The following ENTPD6 variants were observed in gnomAD, a reference collection of about 807,000 sequenced individuals.
The protein encoded by ENTPD6 is ectonucleoside triphosphate diphosphohydrolase 6.
In ENTPD6, 46 loss-of-function variants were observed where a neutral mutation model predicts 61.5. The ratio of observed to expected loss-of-function variants is 0.75; its 90% CI spans 0.59 to 0.96. The LOEUF is 0.96. Ranked by LOEUF, ENTPD6 falls within the 40% of genes least tolerant of loss-of-function variation. The pLI is 0.00. For synonymous variants in ENTPD6, 252 were observed against 255.5 expected (o/e 0.99, Z 0.13); for missense variants, 612 against 629.0 (o/e 0.97, Z 0.29).
chr20:25,212,373 C>G (rs139865805), intron 4 of ENTPD6, among the ~76,000 whole-genome samples: 1 of 152,170 alleles, frequency 6.6e-6, no homozygotes, highest in Non-Finnish European at 1.5e-5. Context: ...CACCTGAGAT[C>G]GCCCGTGAGG....
intron 1 of ENTPD6, chr20:25,196,297 A>C: frequency 1.1e-6 from 1 of 925,080 alleles, no homozygotes; most frequent in Non-Finnish European, 1.3e-6. Flanking sequence ...TGTAAGGACG[A>C]TTCACCCTGG....
intron 10 of ENTPD6, 73 bp downstream of exon 10, chr20:25,218,687 C>T: frequency 7.0e-7 from 1 of 1,433,888 alleles, no homozygotes; most frequent in African/African-American, 1.4e-5. Flanking sequence ...CGAGGAGCCC[C>T]TCGGGAGGGC....
intron 9 of ENTPD6, among the ~76,000 whole-genome samples, chr20:25,218,312 A>T (rs1204922275): frequency 8.5e-5 from 13 of 152,228 alleles, no homozygotes. Flanking sequence ...GGTCCCACTC[A>T]CCACAGTGTC....
intron 12 of ENTPD6, among the ~76,000 whole-genome samples, chr20:25,223,457 G>T (rs563459313): frequency 2.0e-5 from 3 of 152,342 alleles, no homozygotes; most frequent in African/African-American, 4.8e-5. Context: ...GTCAGGCTGT[G>T]TGGGAACTCT....
At chr20:25,204,991 C>T (rs183290631) in intron 1 of ENTPD6, among the ~76,000 whole-genome samples, 1 of 152,234 alleles carries the variant, frequency 6.6e-6, no homozygotes, top group East Asian at 1.9e-4. Context: ...TTTGAGCTTC[C>T]TCTTTTGCCG....
intron 11 of ENTPD6, 125 bp from the exon 12 acceptor site, chr20:25,222,713 C>T: frequency 7.5e-7 from 1 of 1,341,620 alleles, no homozygotes; most frequent in Non-Finnish European, 1.0e-6. Flanking sequence ...GTCTTACAGG[C>T]TTCTGGACCT....
At chr20:25,213,492 AC>A in intron 5 of ENTPD6, 86 bp downstream of exon 5, 2 of 1,398,360 alleles carry the variant, frequency 1.4e-6, no homozygotes, top group Admixed American at 4.8e-5. Context: ...CCAGTGCCGC[AC>A]CATCAGGCAG....
chr20:25,221,374 AGT>A (rs772599589), intron 11 of ENTPD6, 41 bp downstream of exon 11: 3 of 1,471,900 alleles, frequency 2.0e-6, no homozygotes, highest in Non-Finnish European at 2.9e-6. Context: ...TGCGGGTGAG[AGT>A]GGTGGCCTCC....
intron 12 of ENTPD6, 102 bp downstream of exon 12, chr20:25,223,080 A>C: frequency 7.3e-7 from 1 of 1,373,758 alleles, no homozygotes; most frequent in Non-Finnish European, 9.9e-7. Flanking sequence ...CAGGCAAGCA[A>C]CCCTGTTGTC....
intron 10 of ENTPD6, among the ~76,000 whole-genome samples, chr20:25,218,975 G>A (rs531881037): frequency 9.1e-4 from 139 of 152,364 alleles, no homozygotes; most frequent in African/African-American, 3.1e-3. Context: ...TCTGCCTGCC[G>A]GGTTCCAGCA....
chr20:25,225,890 G>A lies in ENTPD6; in HGVS notation c.*293G>A. 1 of 323,114 alleles carries A rather than the reference G, an allele frequency of 3.1e-6. No homozygotes were observed. The highest frequency in any genetic ancestry group is 5.7e-6 in the Non-Finnish European group (1 of 175,854). The allele number at this position is 323,114 out of a possible 1,614,324, so 20.0% of individuals were successfully genotyped here. On this transcript the variant is annotated 3_prime_UTR_variant, in exon 15 of 15. Coordinates refer to ENST00000376652, the MANE Select transcript of ENTPD6 (RefSeq NM_001247.5). ...AGGCACACACTGAGGGGGCAGTGTG[G>A]CTCCCTGCCTGTCCCATCCCCATGC... is the stretch of plus-strand genomic sequence containing the variant.
chr20:25,226,548 G>A lies in ENTPD6; in HGVS notation c.*951G>A, dbSNP rs916186808. The A allele has an allele frequency of 1.3e-4, 20 of 152,716 alleles. No homozygotes were observed. The highest frequency in any genetic ancestry group is 2.2e-4 in the Non-Finnish European group (15 of 68,216). 9.5% of individuals were successfully genotyped at this position (152,716 alleles called of 1,614,324 possible). ...TCTCGGGCCACCATCCGCCCACCTC[G>A]GGCTGACCCCACCTCCTCCATGGAC... On this transcript the variant is annotated 3_prime_UTR_variant, in exon 15 of 15. Coordinates refer to ENST00000376652, the MANE Select transcript of ENTPD6 (RefSeq NM_001247.5).
At chr20:25,209,072 A>G (rs2091744838) in intron 3 of ENTPD6, among the ~76,000 whole-genome samples, 2 of 146,366 alleles carry the variant, frequency 1.4e-5, no homozygotes, top group African/African-American at 2.6e-5. Context: ...GCCCATCACC[A>G]CACCTGGCTA....
chr20:25,222,828 T>C lies in ENTPD6; in HGVS notation c.1046-10T>C. The stretch of plus-strand genomic sequence containing the variant: ...AGCCCACTGACCGCTAGCCTTGTGC[T>C]TGTCCCCAGCGGCAAGCCTGCACGA... On this transcript the variant is annotated splice_polypyrimidine_tract_variant and intron_variant, in intron 11 of 14. Coordinates refer to ENST00000376652, the MANE Select transcript of ENTPD6 (RefSeq NM_001247.5). The C allele has an allele frequency of 6.2e-7, 1 of 1,613,412 alleles. No individual in the cohort carries two copies. Among genetic ancestry groups the C allele is most frequent in the Non-Finnish European group, 8.5e-7 (1 of 1,179,874 alleles).
intron 13 of ENTPD6, chr20:25,224,457 C>A: frequency 4.2e-6 from 1 of 236,714 alleles, no homozygotes; most frequent in Non-Finnish European, 8.2e-6. Flanking sequence ...CCTTAAGAAG[C>A]CAAGGCCCTA....
chr20:25,201,250 G>A (rs1363172144), intron 1 of ENTPD6, among the ~76,000 whole-genome samples: 2 of 152,248 alleles, frequency 1.3e-5, no homozygotes, highest in East Asian at 1.9e-4. Context: ...TGCATGCAGG[G>A]CGCTCCGTTA....
At chr20:25,213,864 C>G (rs559961879) in intron 5 of ENTPD6, among the ~76,000 whole-genome samples, 1 of 152,272 alleles carries the variant, frequency 6.6e-6, no homozygotes, top group Non-Finnish European at 1.5e-5. Flanking sequence ...GCGGGAGGAT[C>G]GATTGAGCCC....
At chr20:25,207,957 G>A (rs774581664) in intron 3 of ENTPD6, among the ~76,000 whole-genome samples, 5 of 152,148 alleles carry the variant, frequency 3.3e-5, no homozygotes, top group Admixed American at 6.5e-5. Context: ...GGTCCCCCTC[G>A]CCACCCGGTT....
intron 10 of ENTPD6, among the ~76,000 whole-genome samples, chr20:25,219,503 G>T (rs2092531674): frequency 6.6e-6 from 1 of 152,226 alleles, no homozygotes; most frequent in African/African-American, 2.4e-5. Flanking sequence ...TCAGGGCCAG[G>T]GCCTCTGCTC....
Sources: gnomAD v4.1 joint callset for allele counts (sites outside exome capture counted in the v4.1 genomes callset) on GRCh38, gnomAD v4.1.1 for gene constraint, MANE v1.5 for transcripts, NCBI Gene and HGNC (gene_info 2026-07-23, HGNC 2026-07-21) for gene names.